SLC14A2: variants seen among roughly 807,000 people sequenced by gnomAD.
SLC14A2 encodes the protein urea transporter 2.
Under a neutral mutation model 104.6 loss-of-function variants are expected in SLC14A2, and 91 were observed. That is an observed-to-expected ratio of 0.87 (90% confidence interval 0.73 to 1.04). SLC14A2 has a LOEUF of 1.04. Among genes scored for constraint, SLC14A2 ranks in the 50% least tolerant of loss-of-function variants. The pLI, the probability that SLC14A2 is intolerant of heterozygous loss-of-function variation, is 0.00. For synonymous variants in SLC14A2, 476 were observed against 466.4 expected (o/e 1.02, Z -0.27); for missense variants, 1,189 against 1,156.0 (o/e 1.03, Z -0.41).
chr18:45,565,974 C>CA, intron 2 of SLC14A2, among the ~76,000 whole-genome samples: 1 of 152,256 alleles, frequency 6.6e-6, no homozygotes, highest in South Asian at 2.1e-4. Context: ...CAGGTGGGGA[C>CA]ATGTGTGTTT....
intron 2 of SLC14A2, among the ~76,000 whole-genome samples, chr18:45,605,376 T>C (rs554209675): frequency 5.9e-5 from 9 of 152,134 alleles, no homozygotes; most frequent in Non-Finnish European, 1.2e-4. Context: ...CCTTAAAATA[T>C]AACCCCCTCT....
chr18:45,359,374 C>T (rs7229732), intron 1 of SLC14A2, among the ~76,000 whole-genome samples: 2 of 152,194 alleles, frequency 1.3e-5, no homozygotes, highest in Non-Finnish European at 1.5e-5. Flanking sequence ...CCTGCTCCAG[C>T]ACCCCTCCTC....
intron 2 of SLC14A2, among the ~76,000 whole-genome samples, chr18:45,553,393 C>A (rs1350227593): frequency 6.6e-6 from 1 of 152,180 alleles, no homozygotes; most frequent in African/African-American, 2.4e-5. Flanking sequence ...ATTCCTCCAA[C>A]CTCTCTGCTA....
intron 1 of SLC14A2, among the ~76,000 whole-genome samples, chr18:45,293,581 G>A (rs1429601984): frequency 1.3e-5 from 2 of 151,610 alleles, no homozygotes; most frequent in African/African-American, 2.4e-5. Flanking sequence ...AAGTAGAATT[G>A]TATTTCACAA....
chr18:45,478,005 C>G (rs923225877), intron 1 of SLC14A2, among the ~76,000 whole-genome samples: 8 of 152,212 alleles, frequency 5.3e-5, no homozygotes, highest in Non-Finnish European at 1.2e-4. Flanking sequence ...TTCTGTCTCA[C>G]TGGCGTTCCA....
intron 1 of SLC14A2, among the ~76,000 whole-genome samples, chr18:45,392,002 A>G (rs929674782): frequency 2.6e-5 from 4 of 152,204 alleles, no homozygotes; most frequent in Admixed American, 6.5e-5. Context: ...GTCCTTGCCC[A>G]TGCCTATGTC....
At chr18:45,608,647 A>G (rs964273773) in intron 2 of SLC14A2, among the ~76,000 whole-genome samples, 4 of 152,220 alleles carry the variant, frequency 2.6e-5, no homozygotes, top group African/African-American at 9.6e-5. Context: ...GTTTAAATAT[A>G]ACCAACTTAT....
At position 45,644,163 on chromosome 18, in the gene SLC14A2, G is replaced by A; in HGVS notation, c.1351+3G>A. On this transcript the variant is annotated splice_donor_region_variant and intron_variant, in intron 10 of 19. Transcript: ENST00000255226. ...TGAAGAAGAGAAGGCCCCCAGCGGT[G>A]AATAGCCATGTTCGGGGAAGAAACG... 6.2e-7 allele frequency: 1 copy of A among 1,614,064 alleles called. No individual in the cohort carries two copies. Among genetic ancestry groups the A allele is most frequent in the Non-Finnish European group, 8.5e-7 (1 of 1,179,916 alleles).
At chr18:45,350,768 G>GA (rs200341313) in intron 1 of SLC14A2, among the ~76,000 whole-genome samples, 1,896 of 138,308 alleles carry the variant, frequency 0.014, 40 homozygotes, top group African/African-American at 0.044. Flanking sequence ...ATTTATCCAG[G>GA]AAAAAAAAAA....
chr18:45,533,427 G>T, intron 2 of SLC14A2, among the ~76,000 whole-genome samples: 1 of 152,216 alleles, frequency 6.6e-6, no homozygotes, highest in Non-Finnish European at 1.5e-5. Context: ...TTAGTCTTGG[G>T]AGAGTGTGTG....
chr18:45,284,028 T>C (rs1568134639), intron 1 of SLC14A2, among the ~76,000 whole-genome samples: 1 of 152,244 alleles, frequency 6.6e-6, no homozygotes, highest in Admixed American at 6.5e-5. Flanking sequence ...ATTTTGGATA[T>C]ACTGGATGAA....
chr18:45,563,217 A>T (rs1599008690), intron 2 of SLC14A2, among the ~76,000 whole-genome samples: 1 of 152,090 alleles, frequency 6.6e-6, no homozygotes, highest in East Asian at 1.9e-4. Context: ...TGCATCCCCC[A>T]CTGGCTCAGG....
intron 1 of SLC14A2, among the ~76,000 whole-genome samples, chr18:45,344,074 C>T (rs1211212762): frequency 6.6e-6 from 1 of 152,176 alleles, no homozygotes; most frequent in Non-Finnish European, 1.5e-5. Context: ...TGTGAAAGCC[C>T]TCTGTGTAAT....
In SLC14A2 at chr18:45,621,578, G is replaced by A. The variant is rs112660448; in HGVS notation, c.-34-3053G>A. Among the ~76,000 whole-genome samples, 528 of 152,272 alleles carry A rather than the reference G, an allele frequency of 3.5e-3. 7 individuals carry two copies. Among genetic ancestry groups the A allele is most frequent in the African/African-American group, 0.011 (470 of 41,548 alleles). On this transcript the variant is annotated intron_variant, in intron 1 of 19. Transcript: ENST00000255226. ...TCAGTCACCTGTAACCTTGCTCACA[G>A]TCGCTTCCTCCCCCCCACCTCTTCC...
At chr18:45,342,824 T>C (rs981441136) in intron 1 of SLC14A2, among the ~76,000 whole-genome samples, 2 of 152,230 alleles carry the variant, frequency 1.3e-5, no homozygotes, top group Admixed American at 6.5e-5. Flanking sequence ...TGACTGGTGA[T>C]TCTCTGAAAC....
chr18:45,599,258 A>G (rs2044755471), intron 2 of SLC14A2, among the ~76,000 whole-genome samples: 1 of 152,226 alleles, frequency 6.6e-6, no homozygotes, highest in South Asian at 2.1e-4. Flanking sequence ...GCTAATAACC[A>G]GCACAATTAC....
chr18:45,665,173 G>T (rs577778626), intron 11 of SLC14A2, among the ~76,000 whole-genome samples: 2 of 152,204 alleles, frequency 1.3e-5, no homozygotes, highest in South Asian at 4.2e-4. Context: ...CAGTGCCTTC[G>T]ATGCATCCCT....
At chr18:45,263,343 G>A (rs1179865508) in intron 1 of SLC14A2, among the ~76,000 whole-genome samples, 3 of 152,198 alleles carry the variant, frequency 2.0e-5, no homozygotes, top group African/African-American at 4.8e-5. Flanking sequence ...TCAGGGGTTA[G>A]TGATATTGAT....
chr18:45,429,214 T>C (rs564018715), intron 1 of SLC14A2, among the ~76,000 whole-genome samples: 1 of 152,330 alleles, frequency 6.6e-6, no homozygotes, highest in East Asian at 1.9e-4. Flanking sequence ...TAAAACAGTA[T>C]ATACTATATG....
Sources: allele counts gnomAD v4.1 joint callset (sites outside exome capture counted in the v4.1 genomes callset), GRCh38; gene constraint gnomAD v4.1.1; transcripts MANE v1.5; gene names NCBI Gene and HGNC (gene_info 2026-07-23, HGNC 2026-07-21).